The following UNC5C variants were observed in gnomAD, a reference collection of about 807,000 sequenced individuals.
UNC5C encodes netrin receptor UNC5C.
Under a neutral mutation model 99.8 loss-of-function variants are expected in UNC5C, and 47 were observed. The ratio of observed to expected loss-of-function variants is 0.47; its 90% CI spans 0.37 to 0.60. The LOEUF is 0.60. Ranked by LOEUF, UNC5C falls within the 20% of genes least tolerant of loss-of-function variation. UNC5C has a pLI of 0.00. For synonymous variants in UNC5C, 487 were observed against 452.2 expected (o/e 1.08, Z -0.98); for missense variants, 1,062 against 1,165.9 (o/e 0.91, Z 1.30).
chr4:95,547,305 G>T (rs917286577), intron 1 of UNC5C, among the ~76,000 whole-genome samples: 2 of 152,042 alleles, frequency 1.3e-5, no homozygotes, highest in African/African-American at 2.4e-5. Flanking sequence ...AGAAGCTATC[G>T]CTAATTCACA....
intron 1 of UNC5C, among the ~76,000 whole-genome samples, chr4:95,441,493 TA>T (rs1746949042): frequency 6.6e-6 from 1 of 152,226 alleles, no homozygotes; most frequent in Non-Finnish European, 1.5e-5. Context: ...AATATTTGAC[TA>T]ATAAAGAAAT....
At chr4:95,385,009 C>T (rs577093473) in intron 1 of UNC5C, among the ~76,000 whole-genome samples, 2 of 140,646 alleles carry the variant, frequency 1.4e-5, no homozygotes, top group Admixed American at 7.3e-5. Context: ...AGGAGTGCTT[C>T]ATGTTGTATT....
At chr4:95,280,712 G>C (rs891897552) in intron 3 of UNC5C, among the ~76,000 whole-genome samples, 3 of 95,558 alleles carry the variant, frequency 3.1e-5, no homozygotes, top group South Asian at 3.3e-4. Flanking sequence ...ACAACAACAA[G>C]AAATGAACAT....
At chr4:95,514,175 C>G (rs1379917735) in intron 1 of UNC5C, among the ~76,000 whole-genome samples, 1 of 151,976 alleles carries the variant, frequency 6.6e-6, no homozygotes, top group African/African-American at 2.4e-5. Flanking sequence ...CAAAAATTGT[C>G]AATAGTAAAT....
chr4:95,201,088 T>G (rs965051536), intron 12 of UNC5C, among the ~76,000 whole-genome samples: 8 of 152,270 alleles, frequency 5.3e-5, no homozygotes, highest in African/African-American at 1.9e-4. Context: ...GGCATCTTGA[T>G]CTCAGATTTT....
chr4:95,170,664 A>G (rs1196944652), intron 14 of UNC5C, among the ~76,000 whole-genome samples: 1 of 152,178 alleles, frequency 6.6e-6, no homozygotes, highest in Non-Finnish European at 1.5e-5. Flanking sequence ...AAGAGAGGGA[A>G]TATCAGAGCT....
At chr4:95,444,099 C>T (rs189307128) in intron 1 of UNC5C, among the ~76,000 whole-genome samples, 1 of 152,272 alleles carries the variant, frequency 6.6e-6, no homozygotes, top group African/African-American at 2.4e-5. Context: ...GAAACTAACT[C>T]CATAGATTAT....
rs1216781249 is a variant in UNC5C, at chr4:95,186,504, C to CATTG, written c.2137-1312_2137-1309dup. ...CAGTAAGTGTGGTGGCTACCACGAT[C>CATTG]ATTGATTACATGCAAACAGCTCATT... is the stretch of plus-strand genomic sequence containing the variant. On this transcript the variant is annotated intron_variant, in intron 12 of 15. Transcript: ENST00000453304. Among the ~76,000 whole-genome samples, 7 of 152,314 alleles carry CATTG rather than the reference C, an allele frequency of 4.6e-5. No individual in the cohort carries two copies. The East Asian group carries it at 5.8e-4, about 13-fold the overall frequency.
chr4:95,304,761 T>C (rs1410064672), intron 2 of UNC5C, among the ~76,000 whole-genome samples: 1 of 152,226 alleles, frequency 6.6e-6, no homozygotes, highest in Non-Finnish European at 1.5e-5. Flanking sequence ...ATAATGGTTC[T>C]TTATACGATG....
At chr4:95,172,592 G>T (rs1736167963) in intron 14 of UNC5C, among the ~76,000 whole-genome samples, 1 of 151,658 alleles carries the variant, frequency 6.6e-6, no homozygotes, top group Admixed American at 6.6e-5. Context: ...CTGTTCCATT[G>T]GTCTATATCT....
chr4:95,518,102 G>C (rs149124993), intron 1 of UNC5C, among the ~76,000 whole-genome samples: 1 of 152,252 alleles, frequency 6.6e-6, no homozygotes, highest in African/African-American at 2.4e-5. Context: ...TAACCCTTCA[G>C]TCCTTGTCCA....
intron 14 of UNC5C, among the ~76,000 whole-genome samples, chr4:95,176,247 A>G (rs537566089): frequency 7.4e-4 from 113 of 152,310 alleles, no homozygotes; most frequent in Non-Finnish European, 1.4e-3. Flanking sequence ...TCAGCTCGTC[A>G]AGGTCATTCC....
At chr4:95,247,852 TTA>T (rs914063925) in intron 5 of UNC5C, 17 of 152,440 alleles carry the variant, frequency 1.1e-4, no homozygotes, top group African/African-American at 4.1e-4. Flanking sequence ...CCTTCATTAG[TTA>T]TTTATGACTG....
At chr4:95,518,549 C>T (rs774686109) in intron 1 of UNC5C, among the ~76,000 whole-genome samples, 27 of 152,054 alleles carry the variant, frequency 1.8e-4, no homozygotes, top group Non-Finnish European at 2.8e-4. Flanking sequence ...TAGATAAATA[C>T]GGAGAAAGGC....
Position 95,245,096 on chromosome 4 carries a change from C to T in UNC5C, c.824G>A (p.Arg275His), listed in dbSNP as rs771070280. Reference protein sequence around the residue: ...TWTEWSVCNSRCGRGYQKRTR... With the variant: ...TWTEWSVCNSHCGRGYQKRTR... ...ACGTTTCTGATACCCTCGTCCACAG[C>T]GGCTGTTACACACAGACCACTCCGT... Residue 275 changes from arginine (R) to histidine (H), a missense_variant, in exon 6 of 16, where the codon CGC becomes CAC. Physicochemically the swap from Arg to His is conservative, Grantham distance 29 (BLOSUM62 0). Coordinates refer to ENST00000453304, the MANE Select transcript of UNC5C (RefSeq NM_003728.4). 17 of 1,613,950 alleles carry T rather than the reference C, an allele frequency of 1.1e-5. No homozygotes were observed. Among genetic ancestry groups the T allele is most frequent in the East Asian group, 2.2e-5 (1 of 44,888 alleles).
intron 10 of UNC5C, among the ~76,000 whole-genome samples, chr4:95,212,696 C>G (rs1165711537): frequency 1.3e-5 from 2 of 152,164 alleles, no homozygotes; most frequent in African/African-American, 4.8e-5. Flanking sequence ...TCACACTGAA[C>G]GCATCCAAAC....
At chr4:95,308,224 G>A (rs775112232) in intron 2 of UNC5C, among the ~76,000 whole-genome samples, 2 of 151,774 alleles carry the variant, frequency 1.3e-5, no homozygotes, top group Admixed American at 6.6e-5. Flanking sequence ...TAAACAAAAC[G>A]GTTAAAATTA....
Position 95,461,348 on chromosome 4 carries a change from A to G in UNC5C, c.124+87386T>C, listed in dbSNP as rs1009531121. Among the ~76,000 whole-genome samples the G allele has an allele frequency of 9.2e-5, 9 of 97,604 alleles. 1 individual carries two copies. The highest frequency in any genetic ancestry group is 4.6e-4 in the African/African-American group (9 of 19,726). The allele number at this position is 97,604 out of a possible 152,430, so 64.0% of individuals were successfully genotyped here. ...AGTTGAATAGATGACAAAGGAGAGAAATCAAAAAAAGAAGATGTTATGCTC... is the reference window on the plus strand; with the variant it reads ...AGTTGAATAGATGACAAAGGAGAGAGATCAAAAAAAGAAGATGTTATGCTC... On this transcript the variant is annotated intron_variant, in intron 1 of 15. Transcript: ENST00000453304.
At chr4:95,255,536 C>G (rs1204355464) in intron 4 of UNC5C, among the ~76,000 whole-genome samples, 1 of 152,120 alleles carries the variant, frequency 6.6e-6, no homozygotes, top group Non-Finnish European at 1.5e-5. Context: ...AGACATCTTC[C>G]AGGGCTCTCC....
Sources: gnomAD v4.1 joint callset for allele counts (sites outside exome capture counted in the v4.1 genomes callset) on GRCh38, gnomAD v4.1.1 for gene constraint, MANE v1.5 for transcripts, NCBI Gene and HGNC (gene_info 2026-07-23, HGNC 2026-07-21) for gene names.